The following KIF6 variants were observed in gnomAD, a reference collection of about 807,000 sequenced individuals.
The protein encoded by KIF6 is kinesin family member 6, also known as kinesin-like protein KIF6.
Under a neutral mutation model 112.7 loss-of-function variants are expected in KIF6, and 106 were observed. That is an observed-to-expected ratio of 0.94 (90% CI 0.80 to 1.11). The LOEUF is 1.11. KIF6 is among the 50% of genes least tolerant of loss of function. KIF6 has a pLI of 0.00. For synonymous variants in KIF6, 339 were observed against 339.9 expected (o/e 1.00, Z 0.03); for missense variants, 929 against 964.0 (o/e 0.96, Z 0.48).
intron 13 of KIF6, among the ~76,000 whole-genome samples, chr6:39,532,766 T>C (rs936625683): frequency 6.6e-6 from 1 of 152,224 alleles, no homozygotes; most frequent in African/African-American, 2.4e-5. Flanking sequence ...AAACCATGCA[T>C]GTCAGGTAGT....
intron 6 of KIF6, among the ~76,000 whole-genome samples, chr6:39,611,671 T>C (rs572491235): frequency 4.7e-4 from 72 of 152,348 alleles, no homozygotes; most frequent in African/African-American, 1.7e-3. Flanking sequence ...AATCTATCTT[T>C]TCTCTTTTTC....
chr6:39,527,436 A>AAG lies in KIF6; in HGVS notation c.1645+12565_1645+12566dup, dbSNP rs1777798254. Reference sequence around the variant, plus strand: ...GGCACCTCATCTCCAATATACTCCAAAGAGTTCCTTTAAAAATACCTCCCC... The same window carrying AAG: ...GGCACCTCATCTCCAATATACTCCAAAGAGAGTTCCTTTAAAAATACCTCCCC... On this transcript the variant is annotated intron_variant, in intron 13 of 22. Coordinates refer to ENST00000287152, the MANE Select transcript of KIF6 (RefSeq NM_145027.6). Among the ~76,000 whole-genome samples, 5 of 152,108 alleles carry AAG rather than the reference A, an allele frequency of 3.3e-5. 1 individual carries two copies. In the South Asian group the frequency reaches 1.0e-3, roughly 32 times the overall value.
intron 3 of KIF6, among the ~76,000 whole-genome samples, chr6:39,646,267 C>A (rs1785168102): frequency 6.7e-6 from 1 of 149,852 alleles, no homozygotes; most frequent in Non-Finnish European, 1.5e-5. Flanking sequence ...TTCACTAAAC[C>A]AAAAAACAAG....
At chr6:39,600,748 C>T (rs2150695063) in intron 6 of KIF6, among the ~76,000 whole-genome samples, 1 of 152,264 alleles carries the variant, frequency 6.6e-6, no homozygotes, top group African/African-American at 2.4e-5. Context: ...TCTTCTACAG[C>T]TCAAATCCTC....
chr6:39,668,615 C>A (rs146893372), intron 3 of KIF6, among the ~76,000 whole-genome samples: 9 of 152,112 alleles, frequency 5.9e-5, no homozygotes, highest in Non-Finnish European at 1.2e-4. Flanking sequence ...CACTTTTGAT[C>A]GAGTTTAATT....
chr6:39,337,172 C>CTTCTTTCTCTCTTTCTTTCT (rs1763014157), intron 22 of KIF6, among the ~76,000 whole-genome samples: 1 of 59,504 alleles, frequency 1.7e-5, no homozygotes, highest in Admixed American at 2.0e-4. Flanking sequence ...TCTTTCCTTC[C>CTTCTTTCTCTCTTTCTTTCT]TTCTTTCTTT....
intron 22 of KIF6, among the ~76,000 whole-genome samples, chr6:39,337,227 CTT>C (rs1157662002): frequency 1.1e-5 from 1 of 94,918 alleles, no homozygotes; most frequent in Non-Finnish European, 1.9e-5. Flanking sequence ...TTCTTTCTTT[CTT>C]TCTTTCTTTT....
At chr6:39,686,950 T>C (rs2113790557) in intron 3 of KIF6, among the ~76,000 whole-genome samples, 1 of 152,318 alleles carries the variant, frequency 6.6e-6, no homozygotes, top group South Asian at 2.1e-4. Flanking sequence ...TGGTTTTTTA[T>C]TTTTAGTATT....
intron 6 of KIF6, among the ~76,000 whole-genome samples, chr6:39,601,806 T>C (rs899579123): frequency 1.3e-5 from 2 of 152,082 alleles, no homozygotes; most frequent in African/African-American, 4.8e-5. Context: ...ATCTATTGGA[T>C]CTTGGTCTTT....
chr6:39,673,790 A>C lies in KIF6; in HGVS notation c.252-34033T>G, dbSNP rs144445148. Among the ~76,000 whole-genome samples the C allele has an allele frequency of 8.8e-3, 1,337 of 152,338 alleles. 13 individuals are homozygous for C. Among genetic ancestry groups the C allele is most frequent in the Non-Finnish European group, 0.012 (802 of 68,016 alleles). On this transcript the variant is annotated intron_variant, in intron 3 of 22. Coordinates refer to ENST00000287152, the MANE Select transcript of KIF6 (RefSeq NM_145027.6). Reference sequence around the variant, plus strand: ...TTGTTTGGGGTTATAGTGAGAAAAGAGTAAAGGTAAGATCCAAAATTTCTA... The same window carrying C: ...TTGTTTGGGGTTATAGTGAGAAAAGCGTAAAGGTAAGATCCAAAATTTCTA...
intron 13 of KIF6, among the ~76,000 whole-genome samples, chr6:39,491,642 G>A (rs1320248162): frequency 6.6e-6 from 1 of 152,170 alleles, no homozygotes; most frequent in Non-Finnish European, 1.5e-5. Flanking sequence ...GAAGCCAGAA[G>A]GGACTTGTAG....
chr6:39,596,376 A>G (rs766252638), intron 6 of KIF6, 116 bp from the exon 7 acceptor site: 8 of 728,568 alleles, frequency 1.1e-5, no homozygotes, highest in Non-Finnish European at 1.8e-5. Context: ...CCAACTGTCA[A>G]CTGGAGCAAA....
At chr6:39,404,943 T>A (rs1306522289) in intron 15 of KIF6, among the ~76,000 whole-genome samples, 5 of 150,990 alleles carry the variant, frequency 3.3e-5, no homozygotes, top group African/African-American at 4.8e-5. Flanking sequence ...TTACTATAAA[T>A]TATATATTAG....
At chr6:39,400,698 G>A (rs915345026) in intron 15 of KIF6, among the ~76,000 whole-genome samples, 3 of 152,184 alleles carry the variant, frequency 2.0e-5, no homozygotes, top group Non-Finnish European at 2.9e-5. Context: ...AGCTTCATGC[G>A]ACAGGATTTT....
intron 3 of KIF6, among the ~76,000 whole-genome samples, chr6:39,672,897 T>C (rs1786909813): frequency 6.6e-6 from 1 of 152,136 alleles, no homozygotes; most frequent in Admixed American, 6.5e-5. Context: ...GATGACAAAA[T>C]TCAGTCCATA....
intron 10 of KIF6, 51 bp downstream of exon 10, chr6:39,578,005 A>T: frequency 1.6e-6 from 2 of 1,247,632 alleles, no homozygotes; most frequent in Non-Finnish European, 2.3e-6. Context: ...CAAAGAAGTT[A>T]ACACAAACTT....
Position 39,330,804 on chromosome 6 carries a change from A to G in KIF6, c.*5728T>C, listed in dbSNP as rs1762710618. 6.6e-6 allele frequency: 1 copy of G among 152,238 alleles called. No homozygotes were observed. Among genetic ancestry groups the G allele is most frequent in the South Asian group, 2.1e-4 (1 of 4,834 alleles). 9.4% of individuals were successfully genotyped at this position (152,238 alleles called of 1,614,324 possible). A position where few individuals can be genotyped will look rare whatever the true frequency, so the allele number is the denominator to read the frequency against. On this transcript the variant is annotated 3_prime_UTR_variant, in exon 23 of 23. Transcript: ENST00000287152. Reference sequence around the variant, plus strand: ...GCTACACTCAGAGGCCACTTTTCGCAAGGTGAGGAGGAGCTTGTATTCAAG... The same window carrying G: ...GCTACACTCAGAGGCCACTTTTCGCGAGGTGAGGAGGAGCTTGTATTCAAG...
Position 39,382,036 on chromosome 6 carries a change from G to T in KIF6, c.1861+3586C>A, listed in dbSNP as rs537239372. 1.9e-3 allele frequency among the ~76,000 whole-genome samples: 286 copies of T among 152,278 alleles called. 3 individuals are homozygous for T. The highest frequency in any genetic ancestry group is 3.4e-3 in the Non-Finnish European group (229 of 68,018). On this transcript the variant is annotated intron_variant, in intron 16 of 22. Transcript: ENST00000287152. ...GAAGGACCATCCCTGGGAGGGGTGG[G>T]GACTGGGCAGCAGAGAGGATGGAAG...
chr6:39,552,678 G>A (rs922902772), intron 10 of KIF6, among the ~76,000 whole-genome samples: 1 of 152,108 alleles, frequency 6.6e-6, no homozygotes, highest in Non-Finnish European at 1.5e-5. Flanking sequence ...CAGGAAAGAT[G>A]CAAACAACAT....
Sources: gnomAD v4.1 joint callset for allele counts (sites outside exome capture counted in the v4.1 genomes callset) on GRCh38, gnomAD v4.1.1 for gene constraint, MANE v1.5 for transcripts, NCBI Gene and HGNC (gene_info 2026-07-23, HGNC 2026-07-21) for gene names.